The following CPNE8 variants were observed in gnomAD, a reference collection of about 807,000 sequenced individuals.
The protein encoded by CPNE8 is copine 8, also known as copine-8.
In CPNE8, 45 loss-of-function variants were observed where a neutral mutation model predicts 81.5. The ratio of observed to expected loss-of-function variants is 0.55; its 90% CI spans 0.44 to 0.71. CPNE8 has a LOEUF of 0.71. Among genes scored for constraint, CPNE8 ranks in the 30% least tolerant of loss-of-function variants. The pLI, the probability that CPNE8 is intolerant of heterozygous loss-of-function variation, is 0.00. For synonymous variants in CPNE8, 252 were observed against 226.3 expected (o/e 1.11, Z -1.02); for missense variants, 594 against 672.1 (o/e 0.88, Z 1.28).
At chr12:38,740,750 A>T (rs1941079453) in intron 10 of CPNE8, among the ~76,000 whole-genome samples, 1 of 152,186 alleles carries the variant, frequency 6.6e-6, no homozygotes, top group African/African-American at 2.4e-5. Flanking sequence ...CCACTTGATC[A>T]TGGTGGATAA....
chr12:38,864,822 A>G (rs1943891964), intron 3 of CPNE8, among the ~76,000 whole-genome samples: 1 of 152,224 alleles, frequency 6.6e-6, no homozygotes, highest in South Asian at 2.1e-4. Flanking sequence ...CACAGATCAT[A>G]AAGGATATGT....
intron 1 of CPNE8, among the ~76,000 whole-genome samples, chr12:38,904,907 C>A (rs1442115738): frequency 6.6e-6 from 1 of 152,082 alleles, no homozygotes; most frequent in Non-Finnish European, 1.5e-5. Flanking sequence ...ACCTATCAGG[C>A]AAAAGGCAAA....
chr12:38,708,491 T>C (rs1359798593), intron 13 of CPNE8, among the ~76,000 whole-genome samples: 1 of 152,226 alleles, frequency 6.6e-6, no homozygotes, highest in Non-Finnish European at 1.5e-5. Context: ...TGTCATTTTA[T>C]GTTTTAGAAG....
intron 6 of CPNE8, among the ~76,000 whole-genome samples, chr12:38,790,096 A>G (rs1360721815): frequency 1.3e-5 from 2 of 151,820 alleles, no homozygotes. Flanking sequence ...ACTACTAGGT[A>G]TATCTACTAG....
chr12:38,835,371 A>G (rs1943362853), intron 5 of CPNE8, among the ~76,000 whole-genome samples: 1 of 151,998 alleles, frequency 6.6e-6, no homozygotes, highest in South Asian at 2.1e-4. Flanking sequence ...TTCTCCAGTC[A>G]CTCTCTCCCA....
At chr12:38,798,011 A>G (rs1412216819) in intron 6 of CPNE8, among the ~76,000 whole-genome samples, 1 of 152,160 alleles carries the variant, frequency 6.6e-6, no homozygotes, top group African/African-American at 2.4e-5. Flanking sequence ...AAAGAATAAA[A>G]AGAAATGAAG....
intron 14 of CPNE8, among the ~76,000 whole-genome samples, chr12:38,694,339 G>T (rs922966608): frequency 3.9e-5 from 6 of 152,102 alleles, no homozygotes; most frequent in Non-Finnish European, 7.4e-5. Context: ...TCAAGTGCAG[G>T]CTGATTAAAT....
intron 15 of CPNE8, among the ~76,000 whole-genome samples, chr12:38,686,541 A>T (rs1252363615): frequency 6.6e-6 from 1 of 152,206 alleles, no homozygotes; most frequent in Non-Finnish European, 1.5e-5. Flanking sequence ...TTACCCCCAA[A>T]GTTATACCCT....
intron 6 of CPNE8, among the ~76,000 whole-genome samples, chr12:38,785,284 T>G (rs1181983529): frequency 1.3e-5 from 2 of 151,928 alleles, no homozygotes; most frequent in Middle Eastern, 3.4e-3. Flanking sequence ...GTACACAGAA[T>G]ATTATAACAC....
intron 6 of CPNE8, among the ~76,000 whole-genome samples, chr12:38,791,469 A>C (rs1942322065): frequency 6.6e-6 from 1 of 151,690 alleles, no homozygotes; most frequent in African/African-American, 2.4e-5. Context: ...ATTGGTTGAA[A>C]AAAAGGAATA....
At chr12:38,669,616 C>A (rs768378804) in intron 19 of CPNE8, among the ~76,000 whole-genome samples, 5 of 152,156 alleles carry the variant, frequency 3.3e-5, no homozygotes, top group Non-Finnish European at 4.4e-5. Context: ...CCCTTTCTAG[C>A]CTCATGCATT....
intron 9 of CPNE8, among the ~76,000 whole-genome samples, chr12:38,761,767 T>C (rs1044382840): frequency 6.6e-6 from 1 of 152,190 alleles, no homozygotes; most frequent in African/African-American, 2.4e-5. Context: ...TATGGAACTT[T>C]TGTGAATCAG....
intron 13 of CPNE8, among the ~76,000 whole-genome samples, chr12:38,705,952 C>T (rs927024495): frequency 6.6e-6 from 1 of 152,058 alleles, no homozygotes; most frequent in Admixed American, 6.6e-5. Context: ...ACATATCACA[C>T]ATTATATATA....
At chr12:38,857,167 C>T (rs1179121956) in intron 3 of CPNE8, among the ~76,000 whole-genome samples, 1 of 152,130 alleles carries the variant, frequency 6.6e-6, no homozygotes, top group Non-Finnish European at 1.5e-5. Flanking sequence ...CTATCACACA[C>T]TGATTTAACA....
chr12:38,838,225 T>C (rs866366144), intron 5 of CPNE8, among the ~76,000 whole-genome samples: 1 of 152,164 alleles, frequency 6.6e-6, no homozygotes, highest in South Asian at 2.1e-4. Flanking sequence ...CTTGGAAGTC[T>C]ATGTCCAGTC....
intron 13 of CPNE8, among the ~76,000 whole-genome samples, chr12:38,704,608 G>T (rs1940040550): frequency 6.6e-6 from 1 of 151,696 alleles, no homozygotes. Flanking sequence ...TTAGCCTATA[G>T]TTGGGCAAAA....
chr12:38,883,667 A>C (rs1344315257), intron 1 of CPNE8, among the ~76,000 whole-genome samples: 2 of 152,140 alleles, frequency 1.3e-5, no homozygotes, highest in Non-Finnish European at 2.9e-5. Flanking sequence ...CTATAACCTC[A>C]CTCCAAAATA....
At chr12:38,713,198 T>C (rs925381257) in intron 13 of CPNE8, among the ~76,000 whole-genome samples, 39 of 152,202 alleles carry the variant, frequency 2.6e-4, no homozygotes, top group Non-Finnish European at 4.7e-4. Context: ...TTCTTTGAAA[T>C]TGGGCTGACT....
chr12:38,871,044 A>G (rs1259153798), intron 3 of CPNE8, among the ~76,000 whole-genome samples: 2 of 152,144 alleles, frequency 1.3e-5, no homozygotes, highest in Non-Finnish European at 2.9e-5. Flanking sequence ...TATTATAAAA[A>G]TTGTAAATTA....
Sources: allele counts gnomAD v4.1 joint callset (sites outside exome capture counted in the v4.1 genomes callset), GRCh38; gene constraint gnomAD v4.1.1; transcripts MANE v1.5; gene names NCBI Gene and HGNC (gene_info 2026-07-23, HGNC 2026-07-21).